The following BICD1 variants were observed in gnomAD, a reference collection of about 807,000 sequenced individuals.
BICD1 encodes the protein BICD cargo adaptor 1.
BICD1 carries 35 observed loss-of-function variants against 92.5 expected under a neutral mutation model. That is an observed-to-expected ratio of 0.38 (90% CI 0.29 to 0.50). BICD1 has a LOEUF of 0.50. BICD1 is among the 20% of genes least tolerant of loss of function. The pLI is 0.93. For missense variants in BICD1, 950 were observed against 1,189.8 expected (o/e 0.80, Z 2.97); for synonymous variants, 429 against 465.1 (o/e 0.92, Z 1.00).
intron 1 of BICD1, among the ~76,000 whole-genome samples, chr12:32,212,205 G>GT (rs33979114): frequency 0.36 from 54,102 of 151,906 alleles, 9,976 homozygotes; most frequent in East Asian, 0.48. Flanking sequence ...GGTTTTCAGT[G>GT]TTTTTTTGTT....
chr12:32,231,614 G>T (rs1945891034), intron 2 of BICD1, among the ~76,000 whole-genome samples: 1 of 150,856 alleles, frequency 6.6e-6, no homozygotes, highest in Non-Finnish European at 1.5e-5. Context: ...TATACTTTAA[G>T]TTTTAGGGTA....
At chr12:32,293,352 C>T (rs896007974) in intron 2 of BICD1, among the ~76,000 whole-genome samples, 13 of 152,052 alleles carry the variant, frequency 8.5e-5, no homozygotes, top group African/African-American at 3.1e-4. Flanking sequence ...GAGTCTTGCT[C>T]TGTTGCCCAG....
At chr12:32,362,347 C>A (rs1048402976) in intron 8 of BICD1, among the ~76,000 whole-genome samples, 1 of 151,844 alleles carries the variant, frequency 6.6e-6, no homozygotes, top group African/African-American at 2.4e-5. Context: ...GCAACAAGAG[C>A]GAAACTCTGT....
At chr12:32,336,880 G>A (rs193081752) in intron 6 of BICD1, among the ~76,000 whole-genome samples, 1 of 152,152 alleles carries the variant, frequency 6.6e-6, no homozygotes, top group African/African-American at 2.4e-5. Context: ...GGGAGACTGA[G>A]GCAAGAAGAT....
intron 3 of BICD1, among the ~76,000 whole-genome samples, chr12:32,305,034 C>CA (rs1214982136): frequency 1.3e-5 from 2 of 151,960 alleles, no homozygotes; most frequent in Non-Finnish European, 2.9e-5. Context: ...AACAAACCAA[C>CA]CAACAAACAA....
At chr12:32,363,197 C>T (rs1362921377) in intron 8 of BICD1, among the ~76,000 whole-genome samples, 2 of 152,124 alleles carry the variant, frequency 1.3e-5, no homozygotes, top group South Asian at 2.1e-4. Context: ...TTGTGCATAT[C>T]GAGACAGACC....
At chr12:32,306,340 T>C (rs921495122) in intron 4 of BICD1, among the ~76,000 whole-genome samples, 2 of 152,044 alleles carry the variant, frequency 1.3e-5, no homozygotes, top group Non-Finnish European at 2.9e-5. Context: ...GCCTCCCAGG[T>C]TCAAGTGATT....
chr12:32,180,378 C>CA (rs1185706948), intron 1 of BICD1, among the ~76,000 whole-genome samples: 1 of 151,804 alleles, frequency 6.6e-6, no homozygotes, highest in Admixed American at 6.6e-5. Flanking sequence ...AAGGGGGACT[C>CA]AGAGGCCTTA....
chr12:32,177,682 A>ATTCTTTTTTTTTTT (rs766041969), intron 1 of BICD1, among the ~76,000 whole-genome samples: 1 of 43,036 alleles, frequency 2.3e-5, no homozygotes, highest in Non-Finnish European at 4.3e-5. Context: ...AAGAAAACAC[A>ATTCTTTTTTTTTTT]TTATTAAAGT....
At chr12:32,262,010 C>A (rs115154943) in intron 2 of BICD1, among the ~76,000 whole-genome samples, 1,863 of 145,402 alleles carry the variant, frequency 0.013, 44 homozygotes, top group African/African-American at 0.047. Context: ...GGGGCAAGAC[C>A]CAGTAATATA....
intron 1 of BICD1, among the ~76,000 whole-genome samples, chr12:32,187,628 T>A (rs1944454993): frequency 1.3e-5 from 2 of 151,758 alleles, no homozygotes; most frequent in African/African-American, 2.4e-5. Context: ...GCCAAGATTG[T>A]GCCCCCGCAC....
chr12:32,197,752 G>A (rs998971304), intron 1 of BICD1, among the ~76,000 whole-genome samples: 2 of 152,138 alleles, frequency 1.3e-5, no homozygotes, highest in Non-Finnish European at 2.9e-5. Context: ...TCAGCAATAC[G>A]TAAGACAGAA....
intron 2 of BICD1, among the ~76,000 whole-genome samples, chr12:32,265,701 C>A: frequency 7.0e-6 from 1 of 142,842 alleles, no homozygotes. Flanking sequence ...GCCTAGGTGA[C>A]ACAGCGAGAT....
intron 1 of BICD1, chr12:32,108,624 ATTTAT>A (rs1245588660): frequency 4.4e-6 from 3 of 680,252 alleles, no homozygotes; most frequent in African/African-American, 1.8e-5. Flanking sequence ...AAAATCTATT[ATTTAT>A]TTTATGCTGT....
chr12:32,201,544 G>A (rs1322576999), intron 1 of BICD1, among the ~76,000 whole-genome samples: 1 of 151,978 alleles, frequency 6.6e-6, no homozygotes, highest in Non-Finnish European at 1.5e-5. Context: ...CCTGGGGATA[G>A]GTTTCATTTT....
At chr12:32,108,255 A>G in intron 1 of BICD1, 1 of 181,070 alleles carries the variant, frequency 5.5e-6, no homozygotes, top group Non-Finnish European at 1.2e-5. Flanking sequence ...ATACGTGGGT[A>G]GTGTTGCATT....
intron 1 of BICD1, among the ~76,000 whole-genome samples, chr12:32,204,557 A>C (rs1260104105): frequency 1.3e-5 from 2 of 152,184 alleles, no homozygotes; most frequent in African/African-American, 4.8e-5. Flanking sequence ...CAGTTGAATT[A>C]GTACAGCCAC....
intron 2 of BICD1, among the ~76,000 whole-genome samples, chr12:32,286,425 GA>G (rs1287080907): frequency 1.3e-5 from 2 of 151,700 alleles, no homozygotes; most frequent in South Asian, 2.1e-4. Flanking sequence ...TTTCAAGAAA[GA>G]AAAAAATTAA....
At chr12:32,176,546 G>A (rs1003354051) in intron 1 of BICD1, among the ~76,000 whole-genome samples, 3 of 152,168 alleles carry the variant, frequency 2.0e-5, no homozygotes, top group African/African-American at 7.2e-5. Flanking sequence ...CATCATTCTA[G>A]AAAGTCCCTT....
Sources: gnomAD v4.1 joint callset for allele counts (sites outside exome capture counted in the v4.1 genomes callset) on GRCh38, gnomAD v4.1.1 for gene constraint, MANE v1.5 for transcripts, NCBI Gene and HGNC (gene_info 2026-07-23, HGNC 2026-07-21) for gene names.